Variants in TCF20 observed in about 807,000 individuals in gnomAD.
TCF20 encodes the protein SPRE-binding protein.
Under a neutral mutation model 148.6 loss-of-function variants are expected in TCF20, and 3 were observed. The observed-to-expected ratio is 0.02, with a 90% CI of 0.01 to 0.05. The LOEUF (loss-of-function observed/expected upper bound fraction) is 0.05, where lower values mean the gene tolerates loss of function less well. Among genes scored for constraint, TCF20 ranks in the 10% least tolerant of loss-of-function variants. The probability of loss-of-function intolerance (pLI) is 1.00; values close to 1 mark genes in which losing one functional copy is unlikely to be tolerated. For synonymous variants in TCF20, 1,049 were observed against 909.5 expected (o/e 1.15, Z -2.76); for missense variants, 2,350 against 2,429.3 (o/e 0.97, Z 0.69).
intron 1 of TCF20, among the ~76,000 whole-genome samples, chr22:42,260,473 C>T (rs1925969427): frequency 6.6e-6 from 1 of 152,042 alleles, no homozygotes; most frequent in Admixed American, 6.5e-5. Context: ...AAACAGGAAA[C>T]TAATAATACA....
chr22:42,258,760 A>G (rs529893401), intron 1 of TCF20, among the ~76,000 whole-genome samples: 5 of 152,298 alleles, frequency 3.3e-5, no homozygotes, highest in African/African-American at 1.2e-4. Flanking sequence ...ATCCAAGGCT[A>G]GGCTAGGTTA....
At chr22:42,242,692 G>A (rs1351439032) in intron 1 of TCF20, among the ~76,000 whole-genome samples, 1 of 152,098 alleles carries the variant, frequency 6.6e-6, no homozygotes, top group Admixed American at 6.6e-5. Flanking sequence ...TTCAAGACCA[G>A]CCTGGCCAAC....
chr22:42,229,112 A>G (rs538596018), intron 1 of TCF20, among the ~76,000 whole-genome samples: 1 of 152,116 alleles, frequency 6.6e-6, no homozygotes, highest in Admixed American at 6.5e-5. Flanking sequence ...GAGGAAAAGA[A>G]GCCAGAAAAG....
At chr22:42,266,890 T>C (rs1221168608) in intron 1 of TCF20, among the ~76,000 whole-genome samples, 1 of 152,252 alleles carries the variant, frequency 6.6e-6, no homozygotes, top group Non-Finnish European at 1.5e-5. Flanking sequence ...CACAAATTAC[T>C]TTGTAGAATG....
chr22:42,220,578 T>C (rs1922268258), intron 1 of TCF20, among the ~76,000 whole-genome samples: 1 of 152,146 alleles, frequency 6.6e-6, no homozygotes, highest in Non-Finnish European at 1.5e-5. Context: ...ATGATGCATC[T>C]AGTTATAGCC....
chr22:42,255,857 G>T (rs1925712744), intron 1 of TCF20, among the ~76,000 whole-genome samples: 1 of 152,020 alleles, frequency 6.6e-6, no homozygotes, highest in South Asian at 2.1e-4. Flanking sequence ...AGACTCAAGT[G>T]CCCCAGCCCC....
At chr22:42,209,275 C>T (rs1160835640) in intron 2 of TCF20, among the ~76,000 whole-genome samples, 1 of 152,120 alleles carries the variant, frequency 6.6e-6, no homozygotes, top group Non-Finnish European at 1.5e-5. Context: ...AAATGGGATT[C>T]AGGAAACAGA....
chr22:42,316,502 G>T (rs1182659948), intron 1 of TCF20, among the ~76,000 whole-genome samples: 1 of 152,162 alleles, frequency 6.6e-6, no homozygotes. Context: ...AGAAGGGCGA[G>T]GTGGGCAGAG....
At chr22:42,322,786 G>A (rs1927758848) in intron 1 of TCF20, among the ~76,000 whole-genome samples, 1 of 144,128 alleles carries the variant, frequency 6.9e-6, no homozygotes, top group African/African-American at 2.9e-5. Context: ...GAGTGCCTGA[G>A]TAAATGAATG....
intron 5 of TCF20, among the ~76,000 whole-genome samples, chr22:42,164,691 G>A (rs1935672844): frequency 6.6e-6 from 1 of 152,200 alleles, no homozygotes; most frequent in Admixed American, 6.5e-5. Flanking sequence ...CTGAAATTGT[G>A]GTGATGCTAG....
At chr22:42,231,645 C>A (rs1045635309) in intron 1 of TCF20, among the ~76,000 whole-genome samples, 1 of 152,128 alleles carries the variant, frequency 6.6e-6, no homozygotes, top group African/African-American at 2.4e-5. Context: ...TTACAGTAAT[C>A]TGGCCAGGGA....
chr22:42,309,496 TC>T (rs1927494029), intron 1 of TCF20, among the ~76,000 whole-genome samples: 2 of 150,020 alleles, frequency 1.3e-5, no homozygotes, highest in South Asian at 4.2e-4. Flanking sequence ...CCTTTACTGC[TC>T]CCCTTCTGCC....
intron 1 of TCF20, among the ~76,000 whole-genome samples, chr22:42,262,137 G>A (rs1258011523): frequency 2.0e-5 from 3 of 152,166 alleles, no homozygotes; most frequent in Non-Finnish European, 2.9e-5. Flanking sequence ...TGAACCATGT[G>A]GGGGAGTTTG....
chr22:42,181,156 A>T (rs1936753622), intron 2 of TCF20, among the ~76,000 whole-genome samples: 1 of 152,194 alleles, frequency 6.6e-6, no homozygotes, highest in African/African-American at 2.4e-5. Flanking sequence ...TGGGTAGTCC[A>T]TCGGTGGCCA....
intron 1 of TCF20, among the ~76,000 whole-genome samples, chr22:42,306,183 G>A (rs896417615): frequency 3.9e-5 from 6 of 152,244 alleles, no homozygotes; most frequent in South Asian, 2.1e-4. Flanking sequence ...CGCTGTGCGC[G>A]CCGCTGCCAG....
intron 1 of TCF20, among the ~76,000 whole-genome samples, chr22:42,304,522 C>T (rs1927398767): frequency 6.6e-6 from 1 of 152,208 alleles, no homozygotes; most frequent in African/African-American, 2.4e-5. Context: ...AAGCCTGTTG[C>T]ATGCTGCGTC....
chr22:42,322,893 G>T (rs375630558), intron 1 of TCF20, among the ~76,000 whole-genome samples: 4,278 of 147,416 alleles, frequency 0.029, 240 homozygotes, highest in African/African-American at 0.1. Context: ...TCATTTTCTG[G>T]TTTTTTTTTT....
chr22:42,326,760 C>T (rs1476419991), intron 1 of TCF20, among the ~76,000 whole-genome samples: 1 of 152,240 alleles, frequency 6.6e-6, no homozygotes, highest in Non-Finnish European at 1.5e-5. Context: ...TGCCATGTCC[C>T]CTCTTAGGGG....
chr22:42,281,609 T>G (rs1404041919), intron 1 of TCF20, among the ~76,000 whole-genome samples: 1 of 152,240 alleles, frequency 6.6e-6, no homozygotes, highest in African/African-American at 2.4e-5. Flanking sequence ...CTTCAAGGCC[T>G]TCAAATGCCA....
Sources: gnomAD v4.1 joint callset for allele counts (sites outside exome capture counted in the v4.1 genomes callset) on GRCh38, gnomAD v4.1.1 for gene constraint, MANE v1.5 for transcripts, NCBI Gene and HGNC (gene_info 2026-07-23, HGNC 2026-07-21) for gene names.